The following CMTM8 variants were observed in gnomAD, a reference collection of about 807,000 sequenced individuals.
The protein encoded by CMTM8 is CKLF like MARVEL transmembrane domain containing 8, also known as CKLF-like MARVEL transmembrane domain-containing protein 8.
CMTM8 carries 12 observed loss-of-function variants against 18.6 expected under a neutral mutation model. The observed-to-expected ratio is 0.65, with a 90% CI of 0.41 to 1.05. The LOEUF (loss-of-function observed/expected upper bound fraction) is 1.05. CMTM8 is among the 50% of genes least tolerant of loss of function. CMTM8 has a pLI of 0.00. For synonymous variants in CMTM8, 87 were observed against 90.6 expected, an observed-to-expected ratio of 0.96 and a Z score of 0.23; for missense variants, 217 against 227.2, an observed-to-expected ratio of 0.95 and a Z score of 0.29.
At chr3:32,265,900 C>T (rs1217337252) in intron 1 of CMTM8, among the ~76,000 whole-genome samples, 1 of 152,070 alleles carries the variant, frequency 6.6e-6, no homozygotes, top group African/African-American at 2.4e-5. Flanking sequence ...CAAGACTAAA[C>T]CAGGAAGAAG....
intron 1 of CMTM8, among the ~76,000 whole-genome samples, chr3:32,257,831 G>A (rs1702194028): frequency 6.6e-6 from 1 of 152,158 alleles, no homozygotes; most frequent in Non-Finnish European, 1.5e-5. Context: ...CAGCTTAAGT[G>A]AGAATCTCTG....
chr3:32,275,425 T>C (rs1235668068), intron 1 of CMTM8, among the ~76,000 whole-genome samples: 1 of 152,140 alleles, frequency 6.6e-6, no homozygotes, highest in East Asian at 1.9e-4. Flanking sequence ...AAAGCATCTG[T>C]AAAATATGTC....
intron 1 of CMTM8, among the ~76,000 whole-genome samples, chr3:32,257,650 C>CT (rs1559363008): frequency 6.6e-6 from 1 of 152,058 alleles, no homozygotes; most frequent in Non-Finnish European, 1.5e-5. Flanking sequence ...AGTCTGATCT[C>CT]TTTTTTATTG....
At chr3:32,322,275 T>G (rs949269834) in intron 1 of CMTM8, among the ~76,000 whole-genome samples, 17 of 151,246 alleles carry the variant, frequency 1.1e-4, no homozygotes, top group East Asian at 3.9e-4. Flanking sequence ...CTTGTTTTTG[T>G]TTTTTTTTCC....
chr3:32,262,140 G>T (rs555993003), intron 1 of CMTM8, among the ~76,000 whole-genome samples: 1 of 152,100 alleles, frequency 6.6e-6, no homozygotes, highest in Non-Finnish European at 1.5e-5. Context: ...TCCCCATTGC[G>T]AGTCATGATA....
chr3:32,240,456 T>C (rs1701933702), intron 1 of CMTM8, among the ~76,000 whole-genome samples: 1 of 152,198 alleles, frequency 6.6e-6, no homozygotes, highest in African/African-American at 2.4e-5. Context: ...CTCCTCTGCT[T>C]CAGCAGCGCA....
At position 32,297,854 on chromosome 3, in the gene CMTM8, A is replaced by G. The variant is rs115206384; in HGVS notation, c.147+58735A>G. On this transcript the variant is annotated intron_variant, in intron 1 of 3. Transcript: ENST00000307526. Reference sequence around the variant, plus strand: ...GTTTGTGTGTGGGAAGGATTTGGGAAAATGGACTGAGTGTTAATTTAAGGA... The same window carrying G: ...GTTTGTGTGTGGGAAGGATTTGGGAGAATGGACTGAGTGTTAATTTAAGGA... 1.9e-3 allele frequency among the ~76,000 whole-genome samples: 292 copies of G among 152,046 alleles called. 2 individuals are homozygous for G. Among genetic ancestry groups the G allele is most frequent in the African/African-American group, 6.0e-3 (251 of 41,534 alleles).
chr3:32,300,677 G>A (rs1320794417), intron 1 of CMTM8, among the ~76,000 whole-genome samples: 5 of 152,032 alleles, frequency 3.3e-5, no homozygotes, highest in Non-Finnish European at 7.4e-5. Flanking sequence ...TATTCTTTTA[G>A]GCTGGGCACG....
chr3:32,282,667 G>A (rs1436103080), intron 1 of CMTM8, among the ~76,000 whole-genome samples: 1 of 152,124 alleles, frequency 6.6e-6, no homozygotes. Context: ...CTGGTAAGAT[G>A]TGTCATGATA....
At chr3:32,346,898 G>T (rs576594537) in intron 1 of CMTM8, among the ~76,000 whole-genome samples, 1 of 148,840 alleles carries the variant, frequency 6.7e-6, no homozygotes, top group South Asian at 2.1e-4. Context: ...ACAGCTCATT[G>T]CAACCTCAAC....
intron 1 of CMTM8, 151 bp from the exon 2 acceptor site, chr3:32,357,222 C>T (rs769202738): frequency 2.0e-5 from 14 of 689,770 alleles, no homozygotes; most frequent in East Asian, 5.7e-5. Context: ...CTAGCCTGGG[C>T]GACGGGAGCG....
chr3:32,305,685 A>G (rs569395838), intron 1 of CMTM8, among the ~76,000 whole-genome samples: 1 of 152,304 alleles, frequency 6.6e-6, no homozygotes, highest in South Asian at 2.1e-4. Context: ...GGCATTAGTA[A>G]GTGTGGAGGG....
At chr3:32,264,364 G>A (rs144390611) in intron 1 of CMTM8, among the ~76,000 whole-genome samples, 7,080 of 152,222 alleles carry the variant, frequency 0.047, 648 homozygotes, top group East Asian at 0.43. Flanking sequence ...AGCTTCGTAA[G>A]TGAAGGAGAA....
Position 32,358,080 on chromosome 3 carries a change from A to T in CMTM8, c.321+534A>T, listed in dbSNP as rs1264619007. ...AATTGTCAGGAATGACTGGATTCTC[A>T]TCCTGGCTCTGGCACCATGCTGGAT... On this transcript the variant is annotated intron_variant, in intron 2 of 3. Transcript: ENST00000307526. This position sits in a 1 kb window ranked among gnomAD's most constrained non-coding sequence, Gnocchi z 4.1. Among the ~76,000 whole-genome samples, 2 of 152,240 alleles carry T rather than the reference A, an allele frequency of 1.3e-5. No individual in the cohort carries two copies. The highest frequency in any genetic ancestry group is 4.8e-5 in the African/African-American group (2 of 41,464).
chr3:32,251,125 G>A (rs1398444446), intron 1 of CMTM8, among the ~76,000 whole-genome samples: 1 of 152,116 alleles, frequency 6.6e-6, no homozygotes, highest in Non-Finnish European at 1.5e-5. Context: ...ACTTGTTTGG[G>A]GTGGGAGATA....
At chr3:32,357,116 C>T (rs1030289466) in intron 1 of CMTM8, among the ~76,000 whole-genome samples, 4 of 152,074 alleles carry the variant, frequency 2.6e-5, no homozygotes, top group Non-Finnish European at 5.9e-5. Context: ...TGGTGCTGCA[C>T]GCCTGTAATC....
At chr3:32,303,115 C>G (rs1185607912) in intron 1 of CMTM8, among the ~76,000 whole-genome samples, 1 of 152,160 alleles carries the variant, frequency 6.6e-6, no homozygotes, top group Non-Finnish European at 1.5e-5. Flanking sequence ...TTGCAGGCGT[C>G]TAGGATCCAA....
At chr3:32,347,868 G>A (rs1696630598) in intron 1 of CMTM8, among the ~76,000 whole-genome samples, 1 of 152,136 alleles carries the variant, frequency 6.6e-6, no homozygotes, top group African/African-American at 2.4e-5. Flanking sequence ...ATGGTGATGA[G>A]AGCCTTTAAC....
intron 1 of CMTM8, among the ~76,000 whole-genome samples, chr3:32,301,586 G>T (rs1186676480): frequency 2.0e-5 from 3 of 151,984 alleles, no homozygotes; most frequent in Non-Finnish European, 2.9e-5. Flanking sequence ...CCTTGGGAGG[G>T]GTCCTCTGTC....
Sources: gnomAD v4.1 joint callset for allele counts (sites outside exome capture counted in the v4.1 genomes callset) on GRCh38, gnomAD v4.1.1 for gene constraint, Gnocchi (gnomAD v3.1) non-coding constraint, MANE v1.5 for transcripts, NCBI Gene and HGNC (gene_info 2026-07-23, HGNC 2026-07-21) for gene names.